CEP126: variants seen among roughly 807,000 people sequenced by gnomAD.
The protein encoded by CEP126 is centrosomal protein 126.
A neutral mutation model predicts 107.8 loss-of-function variants in CEP126; 74 were observed. That is an observed-to-expected ratio of 0.69 (90% CI 0.57 to 0.83). CEP126 has a LOEUF of 0.83. Ranked by LOEUF, CEP126 falls within the 40% of genes least tolerant of loss-of-function variation. The pLI, the probability that CEP126 is intolerant of heterozygous loss-of-function variation, is 0.00. For missense variants in CEP126, 1,237 were observed against 1,281.9 expected (o/e 0.96, Z 0.53); for synonymous variants, 449 against 446.0 (o/e 1.01, Z -0.08).
intron 6 of CEP126, among the ~76,000 whole-genome samples, chr11:101,973,380 G>A (rs1286854516): frequency 1.3e-5 from 2 of 152,174 alleles, no homozygotes; most frequent in African/African-American, 4.8e-5. Flanking sequence ...CATGGATGAA[G>A]CTTGAAGCCA....
At position 101,963,250 on chromosome 11, in the gene CEP126, C is replaced by A. The variant is rs764457408; in HGVS notation, c.2215C>A (p.His739Asn). The change falls in exon 6 of 11, where the codon CAT becomes AAT. Residue 739 changes from histidine to asparagine, a missense_variant. His to Asn is a moderately conservative substitution (Grantham distance 68). This residue lies in a region of CEP126 where 1,134 missense variants were observed against 1,150.5 expected (regional missense o/e 0.99). Coordinates refer to ENST00000263468, the MANE Select transcript of CEP126 (RefSeq NM_020802.4). ...AAAAGAAGAAAGTAAAATCCCTGTA[C>A]ATGATGATTCTAAAACTAAGCAAGG... Reference protein sequence around the residue: ...SKKEESKIPVHDDSKTKQGKP... With the variant: ...SKKEESKIPVNDDSKTKQGKP... The A allele has an allele frequency of 2.6e-5, 42 of 1,613,806 alleles. No homozygotes were observed. Among genetic ancestry groups the A allele is most frequent in the Non-Finnish European group, 3.2e-5 (38 of 1,180,004 alleles).
chr11:101,953,141 A>G (rs998411957), intron 4 of CEP126, among the ~76,000 whole-genome samples: 1 of 152,232 alleles, frequency 6.6e-6, no homozygotes, highest in Non-Finnish European at 1.5e-5. Flanking sequence ...TAATGGCTCC[A>G]TATGAATTTC....
chr11:101,950,918 ATTTTAGAAAGATAAATGGTGC>A (rs1940803641), intron 4 of CEP126, among the ~76,000 whole-genome samples: 1 of 152,212 alleles, frequency 6.6e-6, no homozygotes, highest in Admixed American at 6.5e-5. Context: ...CCTCTTTCTT[ATTTTAGAAAGATAAATGGTGC>A]AAATGTTGGA....
chr11:101,932,150 C>T (rs1316725291), intron 2 of CEP126, among the ~76,000 whole-genome samples: 2 of 152,218 alleles, frequency 1.3e-5, no homozygotes, highest in Non-Finnish European at 2.9e-5. Flanking sequence ...TCTATTCTCA[C>T]AGCATTTACC....
At chr11:101,927,304 A>G (rs1221378886) in intron 2 of CEP126, among the ~76,000 whole-genome samples, 1 of 152,200 alleles carries the variant, frequency 6.6e-6, no homozygotes, top group Admixed American at 6.5e-5. Flanking sequence ...TCCATTTAAA[A>G]ATAATAATAA....
chr11:101,920,157 T>C (rs1940300514), intron 1 of CEP126, among the ~76,000 whole-genome samples: 1 of 152,154 alleles, frequency 6.6e-6, no homozygotes, highest in East Asian at 1.9e-4. Flanking sequence ...TGGCCTATGG[T>C]ATAAAGATGG....
intron 6 of CEP126, among the ~76,000 whole-genome samples, chr11:101,968,845 A>G (rs1343605093): frequency 1.3e-5 from 2 of 152,202 alleles, no homozygotes; most frequent in Non-Finnish European, 2.9e-5. Flanking sequence ...GAATATCAAT[A>G]TATTTTACCC....
At position 101,992,809 on chromosome 11, in the gene CEP126, C is replaced by T; in HGVS notation, c.3276C>T (p.Ser1092=). The T allele has an allele frequency of 1.3e-6, 2 of 1,533,196 alleles. No individual in the cohort carries two copies. Among genetic ancestry groups the T allele is most frequent in the Non-Finnish European group, 1.8e-6 (2 of 1,139,936 alleles). The allele number at this position is 1,533,196 out of a possible 1,614,324, so 95.0% of individuals were successfully genotyped here. Residue 1092 remains serine (S), a synonymous_variant, in exon 10 of 11, where the codon TCC becomes TCT. Transcript: ENST00000263468. ...AAGAATCCATTTGCAAAAACCCATC[C>T]ATCAAAAATACTTTACAAATAATAC... is the stretch of plus-strand genomic sequence containing the variant. ...YIQESICKNP[S]IKNTLQIIPL... is the part of the protein sequence containing the mutation.
chr11:101,915,987 C>CGA (rs1423798043), intron 1 of CEP126: 1 of 152,250 alleles, frequency 6.6e-6, no homozygotes, highest in Non-Finnish European at 1.5e-5. Flanking sequence ...TGGATTAACT[C>CGA]TGACTTTTCT....
chr11:101,938,725 C>T (rs1374855796), intron 2 of CEP126, among the ~76,000 whole-genome samples: 2 of 152,102 alleles, frequency 1.3e-5, no homozygotes, highest in East Asian at 1.9e-4. Flanking sequence ...TTCTTCCAAA[C>T]ACACTTTTAA....
chr11:101,934,085 T>C (rs924286120), intron 2 of CEP126, among the ~76,000 whole-genome samples: 4 of 152,034 alleles, frequency 2.6e-5, no homozygotes, highest in Non-Finnish European at 4.4e-5. Context: ...TTTCTGGCTA[T>C]TGCTCTCCCT....
At position 101,949,348 on chromosome 11, in the gene CEP126, C is replaced by T. The variant is rs76107595; in HGVS notation, c.506+1206C>T. ...AAATTGTCTTTTTAAACATATTATT[C>T]CAATCCATTGTGAACAATTGTGGAT... is the stretch of plus-strand genomic sequence containing the variant. On this transcript the variant is annotated intron_variant, in intron 4 of 10. Coordinates refer to ENST00000263468, the MANE Select transcript of CEP126 (RefSeq NM_020802.4). 8.3e-3 allele frequency among the ~76,000 whole-genome samples: 1,268 copies of T among 152,214 alleles called. 10 individuals are homozygous for T. Among genetic ancestry groups the T allele is most frequent in the African/African-American group, 0.028 (1,184 of 41,548 alleles).
intron 1 of CEP126, among the ~76,000 whole-genome samples, chr11:101,922,255 C>T (rs1940340277): frequency 6.6e-6 from 1 of 151,212 alleles, no homozygotes; most frequent in South Asian, 2.1e-4. Context: ...ACCTCCGCCT[C>T]CCGGGTTCAA....
In CEP126 at chr11:101,991,811, C is replaced by A. The variant is rs139758336; in HGVS notation, c.3245-967C>A. 9.1e-4 allele frequency among the ~76,000 whole-genome samples: 138 copies of A among 152,026 alleles called. 1 individual carries two copies. In the East Asian group the frequency reaches 0.024, roughly 27 times the overall value. On this transcript the variant is annotated intron_variant, in intron 9 of 10. Transcript: ENST00000263468. ...GGATCTAAAAATACATAATTTGGGGCAAAAAACGTAAATCACAGGAGAATA... is the reference window on the plus strand; with the variant it reads ...GGATCTAAAAATACATAATTTGGGGAAAAAAACGTAAATCACAGGAGAATA...
intron 7 of CEP126, among the ~76,000 whole-genome samples, chr11:101,980,473 A>G (rs923402259): frequency 6.6e-6 from 1 of 152,152 alleles, no homozygotes. Flanking sequence ...GCTCTTTTGC[A>G]TGCTTAATGT....
chr11:101,947,937 A>C, intron 3 of CEP126, 94 bp from the exon 4 acceptor site: 2 of 491,246 alleles, frequency 4.1e-6, no homozygotes, highest in Non-Finnish European at 7.0e-6. Flanking sequence ...AAAGTTTTAA[A>C]GTAATATTTT....
At chr11:101,992,924 GTATTAA>G in intron 10 of CEP126, 82 bp downstream of exon 10, 10 of 1,234,964 alleles carry the variant, frequency 8.1e-6, no homozygotes, top group Non-Finnish European at 1.0e-5. Flanking sequence ...TAAGAACCCC[GTATTAA>G]TATTAATATT....
chr11:101,961,522 A>G (rs370696587), intron 5 of CEP126, among the ~76,000 whole-genome samples: 3 of 152,178 alleles, frequency 2.0e-5, no homozygotes, highest in African/African-American at 4.8e-5. Flanking sequence ...AGGAGTTGAA[A>G]TCAAAGCAAG....
intron 2 of CEP126, among the ~76,000 whole-genome samples, chr11:101,930,372 T>C (rs944128966): frequency 1.3e-5 from 2 of 150,922 alleles, no homozygotes; most frequent in Admixed American, 6.6e-5. Context: ...ATAGTTGTTA[T>C]ACTATATTTT....
Sources: allele counts gnomAD v4.1 joint callset (sites outside exome capture counted in the v4.1 genomes callset), GRCh38; gene constraint gnomAD v4.1.1; regional missense constraint gnomAD v4.1.1; transcripts MANE v1.5; gene names NCBI Gene and HGNC (gene_info 2026-07-23, HGNC 2026-07-21).